Variants in SYT9 observed in about 807,000 individuals in gnomAD.
The protein encoded by SYT9 is synaptotagmin 9.
SYT9 carries 22 observed loss-of-function variants against 48.4 expected under a neutral mutation model. That is an observed-to-expected ratio of 0.45 (90% CI 0.32 to 0.65). The LOEUF is 0.65. Ranked by LOEUF, SYT9 falls within the 30% of genes least tolerant of loss-of-function variation. The probability of loss-of-function intolerance (pLI) is 0.03; values close to 1 mark genes in which losing one functional copy is unlikely to be tolerated. For missense variants in SYT9, 577 were observed against 622.0 expected, an observed-to-expected ratio of 0.93 and a Z score of 0.77; for synonymous variants, 265 against 245.0, an observed-to-expected ratio of 1.08 and a Z score of -0.76.
chr11:7,291,966 G>A (rs1472135881), intron 1 of SYT9, among the ~76,000 whole-genome samples: 1 of 152,100 alleles, frequency 6.6e-6, no homozygotes, highest in Non-Finnish European at 1.5e-5. Context: ...GGAAGGTGAA[G>A]GTCAAATAGA....
intron 1 of SYT9, among the ~76,000 whole-genome samples, chr11:7,293,310 C>T (rs964637099): frequency 2.6e-5 from 4 of 152,266 alleles, no homozygotes; most frequent in Admixed American, 2.6e-4. Flanking sequence ...TGCCAATTTC[C>T]ATGTTCCAAT....
chr11:7,422,739 G>GT (rs1166222814), intron 6 of SYT9, among the ~76,000 whole-genome samples: 3 of 152,166 alleles, frequency 2.0e-5, no homozygotes, highest in East Asian at 1.9e-4. Context: ...TGCACAAGCA[G>GT]TTTTTTTTCA....
rs1344964718 is a variant in SYT9, at chr11:7,408,394, C to G, written c.1045-7648C>G. On this transcript the variant is annotated intron_variant, in intron 3 of 6. Transcript: ENST00000318881. ...CCACTCGCCTCAGCCTCCCAAAGTG[C>G]TGGGATTACAGGCGTGAGCCACCAT... Among the ~76,000 whole-genome samples, 3 of 152,230 alleles carry G rather than the reference C, an allele frequency of 2.0e-5. No homozygotes were observed. In the South Asian group the frequency reaches 6.2e-4, roughly 32 times the overall value.
At chr11:7,287,309 C>A (rs958573902) in intron 1 of SYT9, among the ~76,000 whole-genome samples, 1 of 152,164 alleles carries the variant, frequency 6.6e-6, no homozygotes, top group Non-Finnish European at 1.5e-5. Context: ...ATGGAGGTAA[C>A]CACCCCCATG....
At chr11:7,403,098 C>T (rs2134077335) in intron 3 of SYT9, among the ~76,000 whole-genome samples, 1 of 152,100 alleles carries the variant, frequency 6.6e-6, no homozygotes, top group East Asian at 1.9e-4. Flanking sequence ...AGGTTATTGA[C>T]ATGAAATTTT....
At chr11:7,291,670 GCT>G (rs1223117990) in intron 1 of SYT9, among the ~76,000 whole-genome samples, 9 of 149,910 alleles carry the variant, frequency 6.0e-5, no homozygotes, top group Non-Finnish European at 1.3e-4. Context: ...CCTGTGTCTT[GCT>G]CAACTGCTGT....
In SYT9 at chr11:7,364,849, C is replaced by T. The variant is rs141180622; in HGVS notation, c.1044+50908C>T. The stretch of plus-strand genomic sequence containing the variant: ...AATTTGGGGTCAGATTCCTTCATGG[C>T]TGGGGAGCTCTGCAGCTGTGACAGA... On this transcript the variant is annotated intron_variant, in intron 3 of 6. Transcript: ENST00000318881. 1.7e-3 allele frequency among the ~76,000 whole-genome samples: 255 copies of T among 152,296 alleles called. 2 individuals are homozygous for T. The highest frequency in any genetic ancestry group is 5.7e-3 in the African/African-American group (235 of 41,564).
intron 1 of SYT9, among the ~76,000 whole-genome samples, chr11:7,264,672 A>G (rs767448673): frequency 6.6e-6 from 1 of 152,098 alleles, no homozygotes; most frequent in Non-Finnish European, 1.5e-5. Context: ...GAGGAGCTGC[A>G]ACTGTTGACA....
At chr11:7,321,054 A>G (rs1269951501) in intron 3 of SYT9, among the ~76,000 whole-genome samples, 2 of 152,082 alleles carry the variant, frequency 1.3e-5, no homozygotes, top group African/African-American at 4.8e-5. Context: ...GTTGGCTTAG[A>G]AACTGGTTCG....
chr11:7,256,722 A>G (rs1427487249), intron 1 of SYT9, among the ~76,000 whole-genome samples: 1 of 152,156 alleles, frequency 6.6e-6, no homozygotes, highest in Non-Finnish European at 1.5e-5. Context: ...ATTTTTGATT[A>G]TGAATTCTGT....
rs530933602 is a variant in SYT9 at position 7,366,482 on chromosome 11, C to T, written c.1045-49560C>T. Reference sequence around the variant, plus strand: ...TTAATAGAGTTAATTAATAGACATCCACACTAATTAATGGACATCCACATC... The same window carrying T: ...TTAATAGAGTTAATTAATAGACATCTACACTAATTAATGGACATCCACATC... On this transcript the variant is annotated intron_variant, in intron 3 of 6. Transcript: ENST00000318881. Among the ~76,000 whole-genome samples the T allele has an allele frequency of 1.1e-4, 16 of 152,206 alleles. No homozygotes were observed. In the East Asian group the frequency reaches 2.3e-3, roughly 22 times the overall value.
intron 1 of SYT9, among the ~76,000 whole-genome samples, chr11:7,290,268 A>G (rs1848676141): frequency 6.6e-6 from 1 of 152,234 alleles, no homozygotes; most frequent in Non-Finnish European, 1.5e-5. Flanking sequence ...TATTGACCAT[A>G]GAAGCAAGAC....
intron 3 of SYT9, among the ~76,000 whole-genome samples, chr11:7,368,587 C>T (rs931441826): frequency 2.0e-5 from 3 of 152,132 alleles, no homozygotes; most frequent in Non-Finnish European, 4.4e-5. Context: ...CATTGTTCAA[C>T]TCCCAATTAT....
At chr11:7,390,650 C>G (rs1850745493) in intron 3 of SYT9, among the ~76,000 whole-genome samples, 1 of 151,950 alleles carries the variant, frequency 6.6e-6, no homozygotes. Context: ...AGAAATTTGT[C>G]CCCTATGAAT....
At chr11:7,436,018 G>A (rs925378518) in intron 6 of SYT9, 3 of 152,112 alleles carry the variant, frequency 2.0e-5, no homozygotes, top group African/African-American at 7.2e-5. Context: ...AAGACCAGAA[G>A]AGAACTCCAT....
intron 3 of SYT9, among the ~76,000 whole-genome samples, chr11:7,413,172 T>C (rs761196653): frequency 3.9e-5 from 6 of 152,152 alleles, no homozygotes; most frequent in Middle Eastern, 3.2e-3. Flanking sequence ...GGTAGGTAGT[T>C]GTGCAGCATG....
At position 7,272,235 on chromosome 11, in the gene SYT9, G is replaced by A. The variant is rs533956331; in HGVS notation, c.145+19904G>A. 6.6e-5 allele frequency among the ~76,000 whole-genome samples: 10 copies of A among 152,286 alleles called. No individual in the cohort carries two copies. The East Asian group carries it at 9.7e-4, about 15-fold the overall frequency. The stretch of plus-strand genomic sequence containing the variant: ...TCATGACTTTGGGACACAGCATGCC[G>A]TTTAGAGATCAATTAGTGTTAGTTC... On this transcript the variant is annotated intron_variant, in intron 1 of 6. Transcript: ENST00000318881.
At chr11:7,454,114 TCTTTC>T in intron 6 of SYT9, 1 of 985,416 alleles carries the variant, frequency 1.0e-6, no homozygotes, top group Non-Finnish European at 1.2e-6. Context: ...CAGTCACTTT[TCTTTC>T]CTTTCCTTGC....
chr11:7,318,944 T>A (rs1220534367), intron 3 of SYT9, among the ~76,000 whole-genome samples: 2 of 152,200 alleles, frequency 1.3e-5, no homozygotes, highest in African/African-American at 4.8e-5. Flanking sequence ...GTACTGTCCT[T>A]GTCTGGCTTG....
Sources: gnomAD v4.1 joint callset for allele counts (sites outside exome capture counted in the v4.1 genomes callset) on GRCh38, gnomAD v4.1.1 for gene constraint, MANE v1.5 for transcripts, NCBI Gene and HGNC (gene_info 2026-07-23, HGNC 2026-07-21) for gene names.